The following DPYSL2 variants were observed in gnomAD, a reference collection of about 807,000 sequenced individuals.
DPYSL2 encodes dihydropyrimidinase-related protein 2.
In DPYSL2, 13 loss-of-function variants were observed where a neutral mutation model predicts 69.9. That is an observed-to-expected ratio of 0.19 (90% CI 0.12 to 0.30). The LOEUF (loss-of-function observed/expected upper bound fraction) is 0.30. DPYSL2 is among the 10% of genes least tolerant of loss of function. The probability of loss-of-function intolerance (pLI) is 1.00; values close to 1 mark genes in which losing one functional copy is unlikely to be tolerated. For synonymous variants in DPYSL2, 326 were observed against 359.1 expected, an observed-to-expected ratio of 0.91 and a Z score of 1.04; for missense variants, 587 against 918.9, an observed-to-expected ratio of 0.64 and a Z score of 4.67.
intron 1 of DPYSL2, chr8:26,577,198 C>G (rs960473482): frequency 2.3e-6 from 1 of 439,548 alleles, no homozygotes; most frequent in African/African-American, 2.1e-5. Context: ...GGCCAGATCC[C>G]GTCTCTGCAG....
chr8:26,529,355 G>T (rs1173746813), intron 1 of DPYSL2, among the ~76,000 whole-genome samples: 1 of 150,178 alleles, frequency 6.7e-6, no homozygotes, highest in Admixed American at 6.6e-5. Context: ...TTAGAGACAG[G>T]ATCTCTCTCT....
rs1802490157 is a variant in DPYSL2, at chr8:26,621,952, AT to A, written c.629-2190del. On this transcript the variant is annotated intron_variant, in intron 3 of 13. Coordinates refer to ENST00000521913, the MANE Select transcript of DPYSL2 (RefSeq NM_001197293.3). The surrounding 1 kb of genome is among the most constrained non-coding windows in gnomAD (Gnocchi z 4.9). Reference sequence around the variant, plus strand: ...GGCAGTGTTTGATGAAAGGTTTAAGATCCTTCTAGCTGCTTCTGAAGGGTGA... The same window carrying A: ...GGCAGTGTTTGATGAAAGGTTTAAGACCTTCTAGCTGCTTCTGAAGGGTGA... 6.6e-6 allele frequency among the ~76,000 whole-genome samples: 1 copy of A among 152,176 alleles called. No individual in the cohort carries two copies. Among genetic ancestry groups the A allele is most frequent in the Non-Finnish European group, 1.5e-5 (1 of 68,018 alleles).
chr8:26,556,470 T>C (rs1800989359), intron 1 of DPYSL2, among the ~76,000 whole-genome samples: 1 of 132,812 alleles, frequency 7.5e-6, no homozygotes, highest in Non-Finnish European at 1.5e-5. Context: ...CTCCTGGAAC[T>C]ATTAAATGAT....
chr8:26,546,637 A>G (rs1379194419), intron 1 of DPYSL2, among the ~76,000 whole-genome samples: 1 of 152,118 alleles, frequency 6.6e-6, no homozygotes, highest in African/African-American at 2.4e-5. Context: ...AATCCTGCAG[A>G]GGCCGGGCGT....
intron 1 of DPYSL2, among the ~76,000 whole-genome samples, chr8:26,581,130 A>T (rs893630705): frequency 5.3e-5 from 8 of 152,198 alleles, no homozygotes; most frequent in African/African-American, 1.9e-4. Flanking sequence ...TTTTTGCTAT[A>T]CTTGCTGTGA....
At chr8:26,579,560 C>T (rs920697) in intron 1 of DPYSL2, among the ~76,000 whole-genome samples, 108,690 of 152,110 alleles carry the variant, frequency 0.71, 40,249 homozygotes, top group East Asian at 0.93. Context: ...CTGGTTTTCC[C>T]TTTAGCCATG....
chr8:26,581,983 G>T lies in DPYSL2; in HGVS notation c.369G>T (p.Leu123=). 2 of 1,613,916 alleles carry T rather than the reference G, an allele frequency of 1.2e-6. No homozygotes were observed. The highest frequency in any genetic ancestry group is 1.7e-6 in the Non-Finnish European group (2 of 1,179,980). ...CTTTGTTTCAGAGCGATCGTCTTCT[G>T]ATCAAAGGAGGTAAAATTGTTAATG... ...QNINDQSDRL[L]IKGGKIVNDD... Residue 123 remains leucine (L), a synonymous_variant, in exon 2 of 14, where the codon CTG becomes CTT. Coordinates refer to ENST00000521913, the MANE Select transcript of DPYSL2 (RefSeq NM_001197293.3).
At chr8:26,538,785 G>T (rs188864165) in intron 1 of DPYSL2, among the ~76,000 whole-genome samples, 4 of 148,164 alleles carry the variant, frequency 2.7e-5, no homozygotes, top group African/African-American at 1.1e-4. Context: ...ACTGCAGTGA[G>T]TGTATTTACA....
Position 26,629,180 on chromosome 8 carries a change from C to CA in DPYSL2, c.1005+1241dup, listed in dbSNP as rs1050836475. ...CTGCATGCATATGCACACATAGACACACATGTACACACAGACATAGGCACA... is the reference window on the plus strand; with the variant it reads ...CTGCATGCATATGCACACATAGACACAACATGTACACACAGACATAGGCACA... On this transcript the variant is annotated intron_variant, in intron 7 of 13. Transcript: ENST00000521913. Among the ~76,000 whole-genome samples, 149 of 152,276 alleles carry CA rather than the reference C, an allele frequency of 9.8e-4. 3 individuals carry two copies. Among genetic ancestry groups the CA allele is most frequent in the Non-Finnish European group, 3.5e-4 (24 of 68,024 alleles).
In DPYSL2 at chr8:26,634,806, C is replaced by T; in HGVS notation, c.1032C>T (p.Ala344=). 1 of 1,614,202 alleles carries T rather than the reference C, an allele frequency of 6.2e-7. No homozygotes were observed. Among genetic ancestry groups the T allele is most frequent in the Non-Finnish European group, 8.5e-7 (1 of 1,180,038 alleles). The change falls in exon 8 of 14, where the codon GCC becomes GCT. Residue 344 remains alanine, a synonymous_variant. Coordinates refer to ENST00000521913, the MANE Select transcript of DPYSL2 (RefSeq NM_001197293.3). The stretch of plus-strand genomic sequence containing the variant: ...TCGAGGCCGAAGCCGTGAATCGTGC[C>T]ATCACCATCGCCAACCAGACCAACT... The part of the protein sequence containing the change: ...EEVEAEAVNR[A]ITIANQTNCP...
chr8:26,520,208 G>C (rs1406231646), intron 1 of DPYSL2, among the ~76,000 whole-genome samples: 1 of 152,124 alleles, frequency 6.6e-6, no homozygotes, highest in East Asian at 1.9e-4. Context: ...GGCCTCCCCA[G>C]CCATGTGCAA....
At chr8:26,550,156 G>A (rs1352677196) in intron 1 of DPYSL2, among the ~76,000 whole-genome samples, 6 of 152,298 alleles carry the variant, frequency 3.9e-5, no homozygotes, top group Admixed American at 3.3e-4. Flanking sequence ...AGGGATGGGA[G>A]CATTGGGAAT....
At chr8:26,557,808 A>C (rs1268270036) in intron 1 of DPYSL2, among the ~76,000 whole-genome samples, 2 of 151,388 alleles carry the variant, frequency 1.3e-5, no homozygotes, top group South Asian at 4.2e-4. Flanking sequence ...ACAAACAAAC[A>C]AACCCAGCAA....
chr8:26,634,828 A>G lies in DPYSL2; in HGVS notation c.1054A>G (p.Asn352Asp), dbSNP rs1802867465. Residue 352 changes from asparagine (N) to aspartate (D), a missense_variant, in exon 8 of 14, where the codon AAC becomes GAC. Physicochemically the swap from Asn to Asp is conservative, Grantham distance 23. Transcript: ENST00000521913. ...TGCCATCACCATCGCCAACCAGACC[A>G]ACTGCCCGCTGTATATCACCAAGGT... is the stretch of plus-strand genomic sequence containing the variant. The part of the protein sequence containing the change: ...NRAITIANQT[N>D]CPLYITKVMS... The G allele has an allele frequency of 6.2e-7, 1 of 1,614,188 alleles. No homozygotes were observed. The highest frequency in any genetic ancestry group is 1.1e-5 in the South Asian group (1 of 91,086).
In DPYSL2 at chr8:26,614,347, A is replaced by C. The variant is rs1036867662; in HGVS notation, c.629-9796A>C. On this transcript the variant is annotated intron_variant, in intron 3 of 13. Coordinates refer to ENST00000521913, the MANE Select transcript of DPYSL2 (RefSeq NM_001197293.3). This position sits in a 1 kb window ranked among gnomAD's most constrained non-coding sequence, Gnocchi z 4.9. ...TGGGCCAAGAGGGAATGGGAGCGAG[A>C]AGGTGGGGCGTCAGCAACATTCAGC... 2.6e-5 allele frequency among the ~76,000 whole-genome samples: 4 copies of C among 152,028 alleles called. No individual in the cohort carries two copies. Among genetic ancestry groups the C allele is most frequent in the Admixed American group, 2.6e-4 (4 of 15,270 alleles).
chr8:26,583,701 G>C (rs1801536699), intron 2 of DPYSL2, 98 bp from the exon 3 acceptor site: 1 of 1,130,414 alleles, frequency 8.8e-7, no homozygotes, highest in South Asian at 1.6e-5. Context: ...CCACGGCACA[G>C]AGCGGAGGAT....
At position 26,610,013 on chromosome 8, in the gene DPYSL2, A is replaced by G. The variant is rs1453796881; in HGVS notation, c.629-14130A>G. 6.6e-6 allele frequency among the ~76,000 whole-genome samples: 1 copy of G among 152,138 alleles called. No homozygotes were observed. The highest frequency in any genetic ancestry group is 1.5e-5 in the Non-Finnish European group (1 of 68,034). The stretch of plus-strand genomic sequence containing the variant: ...CATGTGCACACACACAGGCACACAC[A>G]TGAGAAAGGGACGGGGAAAGCTAGG... On this transcript the variant is annotated intron_variant, in intron 3 of 13. Coordinates refer to ENST00000521913, the MANE Select transcript of DPYSL2 (RefSeq NM_001197293.3). The surrounding 1 kb of genome is among the most constrained non-coding windows in gnomAD (Gnocchi z 4.5).
intron 3 of DPYSL2, among the ~76,000 whole-genome samples, chr8:26,592,536 C>T (rs372751386): frequency 1.0e-4 from 15 of 149,496 alleles, no homozygotes; most frequent in East Asian, 7.8e-4. Context: ...AGTGCAATGG[C>T]GCAGTCTTGG....
intron 4 of DPYSL2, among the ~76,000 whole-genome samples, chr8:26,625,875 G>GT (rs1802601081): frequency 1.3e-5 from 2 of 152,168 alleles, no homozygotes; most frequent in African/African-American, 2.4e-5. Context: ...TGTGTGTGCA[G>GT]TTCATTGTTT....
Sources: allele counts gnomAD v4.1 joint callset (sites outside exome capture counted in the v4.1 genomes callset), GRCh38; gene constraint gnomAD v4.1.1; non-coding constraint Gnocchi (gnomAD v3.1); transcripts MANE v1.5; gene names NCBI Gene and HGNC (gene_info 2026-07-23, HGNC 2026-07-21).